CORO2B: variants seen among roughly 807,000 people sequenced by gnomAD.
CORO2B encodes coronin-2B.
In CORO2B, 26 loss-of-function variants were observed where a neutral mutation model predicts 58.8. The ratio of observed to expected loss-of-function variants is 0.44; its 90% CI spans 0.32 to 0.61. CORO2B has a LOEUF of 0.61. Ranked by LOEUF, CORO2B falls within the 20% of genes least tolerant of loss-of-function variation. The pLI is 0.04. For synonymous variants in CORO2B, 242 were observed against 253.8 expected (o/e 0.95, Z 0.44); for missense variants, 460 against 645.1 (o/e 0.71, Z 3.11).
At chr15:68,579,417 G>C (rs1310839653) in intron 1 of CORO2B, 140 bp downstream of exon 1, 2 of 875,142 alleles carry the variant, frequency 2.3e-6, no homozygotes, top group African/African-American at 3.6e-5. Flanking sequence ...TCTTGCTGCC[G>C]GATCCGCTCG....
intron 11 of CORO2B, among the ~76,000 whole-genome samples, chr15:68,724,903 G>A (rs1201353001): frequency 2.0e-5 from 3 of 152,114 alleles, no homozygotes; most frequent in Non-Finnish European, 2.9e-5. Context: ...GGTTAAGCTA[G>A]AGAGTCATTG....
intron 2 of CORO2B, among the ~76,000 whole-genome samples, chr15:68,670,223 G>A (rs1174641425): frequency 6.6e-6 from 1 of 152,042 alleles, no homozygotes; most frequent in Non-Finnish European, 1.5e-5. Flanking sequence ...TGCCCAGGCT[G>A]GAGTGCAGTG....
At chr15:68,686,866 C>A (rs987274463) in intron 2 of CORO2B, among the ~76,000 whole-genome samples, 2 of 151,378 alleles carry the variant, frequency 1.3e-5, no homozygotes, top group African/African-American at 4.9e-5. Flanking sequence ...ACCATTGCAC[C>A]CCAGCCTGCG....
chr15:68,716,817 G>A (rs1893041585), intron 8 of CORO2B, among the ~76,000 whole-genome samples: 2 of 151,794 alleles, frequency 1.3e-5, no homozygotes, highest in Non-Finnish European at 2.9e-5. Context: ...TGAGCGTGGT[G>A]TAGACTCTGT....
At chr15:68,575,835 TGTG>T (rs930332384), upstream of CORO2B, among the ~76,000 whole-genome samples, 2 of 151,694 alleles carry the variant, frequency 1.3e-5, no homozygotes, top group Admixed American at 6.6e-5. Flanking sequence ...TGAGTAGTGT[TGTG>T]GTGTTAACAA....
chr15:68,592,296 G>T (rs569274757), intron 1 of CORO2B, among the ~76,000 whole-genome samples: 386 of 152,268 alleles, frequency 2.5e-3, no homozygotes, highest in Middle Eastern at 0.01. Flanking sequence ...GCACACATAA[G>T]GGAATTTTCT....
At chr15:68,722,641 G>A (rs916053164) in intron 11 of CORO2B, among the ~76,000 whole-genome samples, 2 of 152,212 alleles carry the variant, frequency 1.3e-5, no homozygotes, top group African/African-American at 4.8e-5. Flanking sequence ...CTTGGAAGAC[G>A]CAAGAGTGTG....
intron 2 of CORO2B, among the ~76,000 whole-genome samples, chr15:68,680,798 G>A (rs1355381560): frequency 2.0e-5 from 3 of 152,180 alleles, no homozygotes; most frequent in African/African-American, 2.4e-5. Flanking sequence ...CCTGTACTTC[G>A]TAAGGTTATT....
chr15:68,631,263 C>T (rs537741822), intron 1 of CORO2B, among the ~76,000 whole-genome samples: 8 of 152,292 alleles, frequency 5.3e-5, no homozygotes, highest in African/African-American at 1.9e-4. Context: ...ATGTATAGGG[C>T]ATTGTGAGGA....
intron 5 of CORO2B, among the ~76,000 whole-genome samples, chr15:68,712,237 T>C (rs1347560625): frequency 6.6e-6 from 1 of 152,160 alleles, no homozygotes; most frequent in African/African-American, 2.4e-5. Flanking sequence ...GTGCTGGTCA[T>C]GGGGAGAGAT....
rs1463703 is a variant in CORO2B, at chr15:68,710,216, C to A, written c.334-516C>A. Among the ~76,000 whole-genome samples, 93,359 of 152,060 alleles carry A rather than the reference C, an allele frequency of 0.61. 31,581 individuals carry two copies. The highest frequency in any genetic ancestry group is 0.87 in the East Asian group (4,488 of 5,150). ...CTCTGCCTTCAAGTCCACCATCTCTCAGGAGAGACCTGGGGCCCCTCAGCC... is the reference window on the plus strand; with the variant it reads ...CTCTGCCTTCAAGTCCACCATCTCTAAGGAGAGACCTGGGGCCCCTCAGCC... On this transcript the variant is annotated intron_variant, in intron 3 of 11. Coordinates refer to ENST00000261861, the MANE Select transcript of CORO2B (RefSeq NM_006091.5). This position sits in a 1 kb window ranked among gnomAD's most constrained non-coding sequence, Gnocchi z 4.1.
At chr15:68,549,091 C>T in the CORO2B span, among the ~76,000 whole-genome samples, 5 of 152,202 alleles carry the variant, frequency 3.3e-5, no homozygotes, top group East Asian at 1.9e-4. Context: ...TTTCTTATTA[C>T]GTGAGCAATA....
chr15:68,629,477 C>T (rs1173490640), intron 1 of CORO2B, among the ~76,000 whole-genome samples: 1 of 152,182 alleles, frequency 6.6e-6, no homozygotes, highest in African/African-American at 2.4e-5. Context: ...GACTTTATCC[C>T]CAGAGGCAGA....
intron 2 of CORO2B, among the ~76,000 whole-genome samples, chr15:68,675,960 G>T (rs1242210220): frequency 6.6e-6 from 1 of 152,074 alleles, no homozygotes; most frequent in Non-Finnish European, 1.5e-5. Flanking sequence ...TATAATAATA[G>T]AACAGAAATG....
chr15:68,706,591 C>G (rs1248430847), intron 3 of CORO2B, among the ~76,000 whole-genome samples: 1 of 152,234 alleles, frequency 6.6e-6, no homozygotes, highest in East Asian at 1.9e-4. Flanking sequence ...TATGAGACAT[C>G]CCTAGACAGA....
At chr15:68,640,256 C>T (rs1299091320) in intron 1 of CORO2B, among the ~76,000 whole-genome samples, 1 of 152,268 alleles carries the variant, frequency 6.6e-6, no homozygotes, top group Non-Finnish European at 1.5e-5. Context: ...TCACTGCCAA[C>T]AGCCAGACCA....
chr15:68,590,055 G>T (rs945174766), intron 1 of CORO2B, among the ~76,000 whole-genome samples: 7 of 152,192 alleles, frequency 4.6e-5, no homozygotes, highest in Non-Finnish European at 1.0e-4. Context: ...CTGAAACCAT[G>T]AGAAGGGCCG....
At chr15:68,658,234 G>C (rs754224556) in intron 2 of CORO2B, among the ~76,000 whole-genome samples, 1 of 152,226 alleles carries the variant, frequency 6.6e-6, no homozygotes, top group Non-Finnish European at 1.5e-5. Flanking sequence ...AGCTTGGGTC[G>C]GTAGGAGCCC....
chr15:68,692,865 C>T (rs11072042), intron 2 of CORO2B, among the ~76,000 whole-genome samples: 95,788 of 151,496 alleles, frequency 0.63, 32,342 homozygotes, highest in East Asian at 0.94. Flanking sequence ...GACTCCTGAC[C>T]TCAGGTGATC....
Sources: gnomAD v4.1 joint callset for allele counts (sites outside exome capture counted in the v4.1 genomes callset) on GRCh38, gnomAD v4.1.1 for gene constraint, Gnocchi (gnomAD v3.1) non-coding constraint, MANE v1.5 for transcripts, NCBI Gene and HGNC (gene_info 2026-07-23, HGNC 2026-07-21) for gene names.